Variants in MMUT observed in about 807,000 individuals in gnomAD.
MMUT encodes methylmalonyl-CoA mutase, also known as methylmalonyl-CoA mutase, mitochondrial.
In MMUT, 79 loss-of-function variants were observed where a neutral mutation model predicts 79.9. The ratio of observed to expected loss-of-function variants is 0.99; its 90% CI spans 0.82 to 1.19. The LOEUF is 1.19. MMUT is among the 50% of genes most tolerant of loss of function. The probability of loss-of-function intolerance (pLI) is 0.00; values close to 1 mark genes in which losing one functional copy is unlikely to be tolerated. For missense variants in MMUT, 860 were observed against 917.2 expected, an observed-to-expected ratio of 0.94 and a Z score of 0.81; for synonymous variants, 273 against 295.7, an observed-to-expected ratio of 0.92 and a Z score of 0.79.
Position 49,459,251 on chromosome 6 carries a change from C to A in MMUT, c.216G>T (p.Leu72Phe), listed in dbSNP as rs1341884213. Residue 72 changes from leucine (L) to phenylalanine (F), a missense_variant, in exon 2 of 13, where the codon TTG (leucine) becomes TTT (phenylalanine). Leu to Phe is a conservative substitution (Grantham distance 22). Coordinates refer to ENST00000274813, the MANE Select transcript of MMUT (RefSeq NM_000255.4). ...AGTCCATAGTATCTCTCTTGGAATA[C>A]AAGGGTTTTATAGAGATCCCTTCCG... ...HTPEGISIKP[L>F]YSKRDTMDLP... The A allele has an allele frequency of 6.2e-7, 1 of 1,614,154 alleles. No homozygotes were observed. Among genetic ancestry groups the A allele is most frequent in the Admixed American group, 1.7e-5 (1 of 60,022 alleles).
intron 6 of MMUT, among the ~76,000 whole-genome samples, chr6:49,449,365 G>A (rs569994555): frequency 6.6e-6 from 1 of 152,246 alleles, no homozygotes; most frequent in African/African-American, 2.4e-5. Flanking sequence ...CTTCATATAT[G>A]AAGGCAGAAA....
intron 9 of MMUT, 72 bp from the exon 10 acceptor site, chr6:49,442,043 A>C: frequency 6.9e-7 from 1 of 1,443,128 alleles, no homozygotes; most frequent in Non-Finnish European, 9.6e-7. Context: ...CATAATATTC[A>C]ATATAATTAA....
intron 12 of MMUT, among the ~76,000 whole-genome samples, chr6:49,432,638 T>C (rs141732193): frequency 0.023 from 3,492 of 152,214 alleles, 75 homozygotes; most frequent in Non-Finnish European, 0.036. Flanking sequence ...CCGCCCACCT[T>C]GGCCTCCCAA....
At chr6:49,435,768 A>G in intron 11 of MMUT, 145 bp from the exon 12 acceptor site, 1 of 832,380 alleles carries the variant, frequency 1.2e-6, no homozygotes, top group South Asian at 1.8e-5. Context: ...CAATTACAAC[A>G]AAAGCAAAAA....
At position 49,458,058 on chromosome 6, in the gene MMUT, G is replaced by A. The variant is rs1180569537; in HGVS notation, c.386C>T (p.Ala129Val). ...SNKFYKDNIKAGQQGLSVAFD... is the reference protein window; with the variant it reads ...SNKFYKDNIKVGQQGLSVAFD... The stretch of plus-strand genomic sequence containing the variant: ...GGCAACTGATAATCCCTGCTGACCA[G>A]CTAAATATATAAAGAAAAATAATGT... The change falls in exon 3 of 13, where the codon GCT (alanine) becomes GTT (valine). Residue 129 changes from alanine to valine, a missense_variant and splice_region_variant. Transcript: ENST00000274813. 1.3e-6 allele frequency: 2 copies of A among 1,599,866 alleles called. No homozygotes were observed. Among genetic ancestry groups the A allele is most frequent in the South Asian group, 1.1e-5 (1 of 91,006 alleles).
chr6:49,455,385 C>T (rs1163755291), intron 4 of MMUT, among the ~76,000 whole-genome samples: 2 of 152,166 alleles, frequency 1.3e-5, no homozygotes, highest in African/African-American at 2.4e-5. Flanking sequence ...CTTAGCAATG[C>T]CCAACTGTTC....
rs1196419428 is a variant in MMUT at position 49,457,822 on chromosome 6, C to A, written c.622G>T (p.Val208Leu). Residue 208 changes from valine to leucine, a missense_variant, in exon 3 of 13, where the codon GTA becomes TTA. Transcript: ENST00000274813. ...NFIVTGEEQG[V>L]PKEKLTGTIQ... Reference sequence around the variant, plus strand: ...GTACCAGTAAGCTTCTCTTTAGGTACACCTTGTTCTTCTCCAGTTACTATA... The same window carrying A: ...GTACCAGTAAGCTTCTCTTTAGGTAAACCTTGTTCTTCTCCAGTTACTATA... The A allele has an allele frequency of 6.8e-6, 11 of 1,613,580 alleles. No individual in the cohort carries two copies. The highest frequency in any genetic ancestry group is 9.3e-6 in the Non-Finnish European group (11 of 1,179,574).
At chr6:49,432,843 G>A (rs1271169409) in intron 12 of MMUT, among the ~76,000 whole-genome samples, 1 of 152,014 alleles carries the variant, frequency 6.6e-6, no homozygotes, top group Non-Finnish European at 1.5e-5. Context: ...TATCCAGTAG[G>A]GTGATCATAT....
chr6:49,435,547 T>A lies in MMUT; in HGVS notation c.2033A>T (p.His678Leu). The A allele has an allele frequency of 6.2e-7, 1 of 1,614,170 alleles. No homozygotes were observed. The highest frequency in any genetic ancestry group is 8.5e-7 in the Non-Finnish European group (1 of 1,180,030). ...GATGAGTTCAGGAACTAGGGTTTTA[T>A]GACCAGCAGCGAGGGTGCTTATGCC... is the stretch of plus-strand genomic sequence containing the variant. Reference protein sequence around the residue: ...AVGISTLAAGHKTLVPELIKE... With the variant: ...AVGISTLAAGLKTLVPELIKE... Residue 678 changes from histidine (H) to leucine (L), a missense_variant, in exon 12 of 13, where the codon CAT becomes CTT. By Grantham distance (99) the His-to-Leu change is moderately conservative (BLOSUM62 -3). Transcript: ENST00000274813.
chr6:49,435,837 C>T (rs960740771), intron 11 of MMUT, among the ~76,000 whole-genome samples: 28 of 152,156 alleles, frequency 1.8e-4, no homozygotes, highest in African/African-American at 5.6e-4. Flanking sequence ...ATACTATCAA[C>T]ACAGTAAACA....
At chr6:49,446,702 G>A (rs919411879) in intron 8 of MMUT, among the ~76,000 whole-genome samples, 1 of 151,796 alleles carries the variant, frequency 6.6e-6, no homozygotes, top group Non-Finnish European at 1.5e-5. Context: ...AACTATTATT[G>A]CTATATTGTC....
In MMUT at chr6:49,451,700, A is replaced by G. The variant is rs1342064032; in HGVS notation, c.1098T>C (p.Asn366=). Residue 366 remains asparagine, a synonymous_variant, in exon 6 of 13, where the codon AAT becomes AAC. Transcript: ENST00000274813. ...TTGCTTCTATTGCAGTACGGACAAT[A>G]TTATTGTAGGGATCCTAAAATATTT... The part of the protein sequence containing the change: ...WSLTEQDPYN[N]IVRTAIEAMA... 2 of 1,613,824 alleles carry G rather than the reference A, an allele frequency of 1.2e-6. No homozygotes were observed. The highest frequency in any genetic ancestry group is 2.7e-5 in the African/African-American group (2 of 74,912).
rs1217026192 is a variant in MMUT, at chr6:49,456,257, G to A, written c.754-20C>T. ...CATGTGCTACATAAAAAAAAAAATT[G>A]TAACAGTGAATAAGTAAAAATATTA... is the stretch of plus-strand genomic sequence containing the variant. On this transcript the variant is annotated intron_variant, in intron 3 of 12. Transcript: ENST00000274813. 7.4e-6 allele frequency: 11 copies of A among 1,483,272 alleles called. No individual in the cohort carries two copies. Among genetic ancestry groups the A allele is most frequent in the Non-Finnish European group, 9.4e-6 (10 of 1,062,280 alleles). 91.9% of individuals were successfully genotyped at this position (1,483,272 alleles called of 1,614,324 possible).
intron 11 of MMUT, among the ~76,000 whole-genome samples, chr6:49,437,872 A>G (rs577082008): frequency 6.6e-6 from 1 of 152,150 alleles, no homozygotes; most frequent in African/African-American, 2.4e-5. Flanking sequence ...AACAAACATA[A>G]GTTTTAAGGA....
chr6:49,456,630 T>C (rs1468333558), intron 3 of MMUT, among the ~76,000 whole-genome samples: 1 of 152,188 alleles, frequency 6.6e-6, no homozygotes, highest in African/African-American at 2.4e-5. Context: ...AACCTTGGGT[T>C]AATCTGCTTA....
intron 6 of MMUT, 68 bp downstream of exon 6, chr6:49,451,398 T>C (rs1767547045): frequency 3.3e-6 from 5 of 1,530,078 alleles, no homozygotes; most frequent in Non-Finnish European, 4.5e-6. Context: ...ACTTGTAAGT[T>C]TTAAAATCTA....
intron 5 of MMUT, among the ~76,000 whole-genome samples, chr6:49,453,096 C>A (rs1767596982): frequency 7.2e-6 from 1 of 139,526 alleles, no homozygotes; most frequent in Non-Finnish European, 1.5e-5. Flanking sequence ...GGCTGGAGTG[C>A]AGTGGCGTCA....
intron 8 of MMUT, 77 bp from the exon 9 acceptor site, chr6:49,444,831 G>T (rs1285129127): frequency 8.9e-7 from 1 of 1,117,512 alleles, no homozygotes; most frequent in Non-Finnish European, 1.3e-6. Context: ...AGACCCTGAT[G>T]CATAGCATAT....
chr6:49,446,261 C>T (rs893625211), intron 8 of MMUT, among the ~76,000 whole-genome samples: 3 of 151,692 alleles, frequency 2.0e-5, no homozygotes, highest in Non-Finnish European at 3.0e-5. Context: ...ATTGTTAAAA[C>T]CATAGGTAAA....
Sources: allele counts gnomAD v4.1 joint callset (sites outside exome capture counted in the v4.1 genomes callset), GRCh38; gene constraint gnomAD v4.1.1; transcripts MANE v1.5; gene names NCBI Gene and HGNC (gene_info 2026-07-23, HGNC 2026-07-21).